The following SH3TC2 variants were observed in gnomAD, a reference collection of about 807,000 sequenced individuals.
SH3TC2 encodes SH3 domain and tetratricopeptide repeats 2.
Under a neutral mutation model 124.5 loss-of-function variants are expected in SH3TC2, and 87 were observed. That is an observed-to-expected ratio of 0.70 (90% CI 0.59 to 0.84). SH3TC2 has a LOEUF of 0.84. Among genes scored for constraint, SH3TC2 ranks in the 40% least tolerant of loss-of-function variants. The pLI, the probability that SH3TC2 is intolerant of heterozygous loss-of-function variation, is 0.00. For missense variants in SH3TC2, 1,536 were observed against 1,566.4 expected (o/e 0.98, Z 0.33); for synonymous variants, 634 against 628.5 (o/e 1.01, Z -0.13).
At chr5:149,038,255 G>A in intron 8 of SH3TC2, 40 bp downstream of exon 8, 1 of 1,597,796 alleles carries the variant, frequency 6.3e-7, no homozygotes, top group South Asian at 1.1e-5. Context: ...CCCTGGGAAA[G>A]GGAGCCCAGC....
intron 3 of SH3TC2, 87 bp downstream of exon 3, chr5:149,047,775 T>C (rs1754489193): frequency 4.5e-6 from 7 of 1,567,036 alleles, no homozygotes; most frequent in South Asian, 1.1e-5. Flanking sequence ...ACCTACTTTG[T>C]TCCAGATGCT....
intron 4 of SH3TC2, chr5:149,044,292 T>TA (rs1210849355): frequency 4.4e-6 from 2 of 456,632 alleles, no homozygotes; most frequent in East Asian, 8.7e-5. Context: ...GGTTATCTAA[T>TA]AAAAAAAGAT....
intron 1 of SH3TC2, chr5:149,057,641 C>T (rs891108754): frequency 6.6e-6 from 1 of 151,814 alleles, no homozygotes; most frequent in Non-Finnish European, 1.5e-5. Context: ...TTTTAGCATA[C>T]ATGCTGCCAA....
At chr5:149,024,379 A>G (rs1004308500) in intron 12 of SH3TC2, among the ~76,000 whole-genome samples, 2 of 152,172 alleles carry the variant, frequency 1.3e-5, no homozygotes, top group Non-Finnish European at 2.9e-5. Context: ...TTCTGAACAT[A>G]CTACAAAGTC....
rs187451262 is a variant in SH3TC2, at chr5:149,031,323, T to C, written c.1135+231A>G. Among the ~76,000 whole-genome samples, 164 of 152,178 alleles carry C rather than the reference T, an allele frequency of 1.1e-3. 2 individuals carry two copies. The highest frequency in any genetic ancestry group is 2.0e-3 in the Non-Finnish European group (139 of 68,016). ...TACAGCCAGTCACCCACGGTATAGG[T>C]GAGTTGGTTTCATCATGTCTCATAG... On this transcript the variant is annotated intron_variant, in intron 9 of 16. Transcript: ENST00000515425.
rs1281560280 is a variant in SH3TC2, at chr5:149,004,428, T to G, written c.*283A>C. On this transcript the variant is annotated 3_prime_UTR_variant, in exon 17 of 17. Coordinates refer to ENST00000515425, the MANE Select transcript of SH3TC2 (RefSeq NM_024577.4). ...ATCCCTCATCTTCTCCAGAATTATGTATGGAGAAAGTGCTTTTCAGAGGCT... is the reference window on the plus strand; with the variant it reads ...ATCCCTCATCTTCTCCAGAATTATGGATGGAGAAAGTGCTTTTCAGAGGCT... 4.5e-6 allele frequency: 2 copies of G among 439,974 alleles called. No homozygotes were observed. The highest frequency in any genetic ancestry group is 3.8e-5 in the Admixed American group (1 of 26,266). The allele number at this position is 439,974 out of a possible 1,614,324, so 27.3% of individuals were successfully genotyped here. A position where few individuals can be genotyped will look rare whatever the true frequency, so the allele number is the denominator to read the frequency against.
intron 8 of SH3TC2, among the ~76,000 whole-genome samples, chr5:149,037,737 C>T (rs1477663905): frequency 2.6e-5 from 4 of 152,202 alleles, no homozygotes; most frequent in Non-Finnish European, 5.9e-5. Flanking sequence ...GGCTGATCAC[C>T]TTCTCCTGAT....
At chr5:149,058,232 T>C (rs1754685686) in intron 1 of SH3TC2, among the ~76,000 whole-genome samples, 1 of 152,234 alleles carries the variant, frequency 6.6e-6, no homozygotes, top group South Asian at 2.1e-4. Flanking sequence ...TAACCCTCAA[T>C]TCAGAAAAAC....
At chr5:149,024,797 T>G (rs1304533475) in intron 12 of SH3TC2, among the ~76,000 whole-genome samples, 1 of 152,194 alleles carries the variant, frequency 6.6e-6, no homozygotes, top group African/African-American at 2.4e-5. Flanking sequence ...TCAGTGATTC[T>G]GCATCCTGTC....
intron 14 of SH3TC2, 62 bp from the exon 15 acceptor site, chr5:149,009,063 A>G (rs575570426): frequency 1.1e-5 from 17 of 1,606,728 alleles, no homozygotes; most frequent in Admixed American, 1.7e-5. Flanking sequence ...TACCATAGCT[A>G]GGAGACTTAT....
At position 149,000,905 on chromosome 5, in the gene SH3TC2, A is replaced by G. The variant is rs908321316; in HGVS notation, c.*3806T>C. 5.6e-4 allele frequency among the ~76,000 whole-genome samples: 86 copies of G among 152,360 alleles called. No individual in the cohort carries two copies. Among genetic ancestry groups the G allele is most frequent in the African/African-American group, 1.9e-3 (81 of 41,582 alleles). ...ATACTATTTCTCATCCTATTCATACAGTATAAAAATAGCACTGCTGAAAAA... is the reference window on the plus strand; with the variant it reads ...ATACTATTTCTCATCCTATTCATACGGTATAAAAATAGCACTGCTGAAAAA... On this transcript the variant is annotated 3_prime_UTR_variant, in exon 17 of 17. Transcript: ENST00000515425.
chr5:149,031,202 C>T (rs1043937600), intron 9 of SH3TC2, among the ~76,000 whole-genome samples: 8 of 152,112 alleles, frequency 5.3e-5, no homozygotes, highest in African/African-American at 1.4e-4. Context: ...ATTTACAGCC[C>T]CACCCATCTC....
rs753121220 is a variant in SH3TC2 at position 149,042,741 on chromosome 5, T to A, written c.482A>T (p.Asp161Val). ...GTATATTGTTTCCAGGTGTTTATCA[T>A]CTACAGACACTTGGATCTCTGTATC... ...VEDTEIQVSV[D>V]DKHLETIYLG... is the part of the protein sequence containing the mutation. Residue 161 changes from aspartate to valine, a missense_variant, in exon 5 of 17, where the codon GAT (aspartate) becomes GTT (valine). Transcript: ENST00000515425. 1 of 1,614,210 alleles carries A rather than the reference T, an allele frequency of 6.2e-7. No homozygotes were observed. The highest frequency in any genetic ancestry group is 8.5e-7 in the Non-Finnish European group (1 of 1,180,028).
At chr5:149,012,864 T>C (rs888103239) in intron 12 of SH3TC2, 130 bp from the exon 13 acceptor site, 7 of 1,026,716 alleles carry the variant, frequency 6.8e-6, no homozygotes, top group East Asian at 2.6e-5. Flanking sequence ...GTGGGCCTGA[T>C]TGAATGCCAG....
Position 149,028,265 on chromosome 5 carries a change from G to A in SH3TC2, c.1467C>T (p.Phe489=). 1 of 1,613,996 alleles carries A rather than the reference G, an allele frequency of 6.2e-7. No individual in the cohort carries two copies. Among genetic ancestry groups the A allele is most frequent in the East Asian group, 2.2e-5 (1 of 44,882 alleles). ...YADHFKSLYD[F]SFSFLTSSFY... Reference sequence around the variant, plus strand: ...AGGAAGAAGTGAGGAAAGAGAAGGAGAAGTCATAGAGACTCTTAAAGTGGT... The same window carrying A: ...AGGAAGAAGTGAGGAAAGAGAAGGAAAAGTCATAGAGACTCTTAAAGTGGT... Residue 489 remains phenylalanine (F), a synonymous_variant, in exon 11 of 17, where the codon TTC becomes TTT. Coordinates refer to ENST00000515425, the MANE Select transcript of SH3TC2 (RefSeq NM_024577.4).
rs1443652039 is a variant in SH3TC2, at chr5:148,989,134, T to G, written c.*15577A>C. Among the ~76,000 whole-genome samples the G allele has an allele frequency of 6.6e-6, 1 of 152,210 alleles. No homozygotes were observed. The highest frequency in any genetic ancestry group is 1.5e-5 in the Non-Finnish European group (1 of 68,044). On this transcript the variant is annotated 3_prime_UTR_variant, in exon 17 of 17. Transcript: ENST00000515425. ...TTTCTTTATATTTCCTTGAGTTCCT[T>G]TTGGAGTCATTGAATTCCCTTTTTG...
At chr5:149,041,109 T>C (rs990084892) in intron 6 of SH3TC2, among the ~76,000 whole-genome samples, 1 of 152,100 alleles carries the variant, frequency 6.6e-6, no homozygotes, top group Non-Finnish European at 1.5e-5. Flanking sequence ...CCCAAGAAAG[T>C]CTAAGGAGGC....
At chr5:149,025,710 C>T (rs1192289655) in intron 12 of SH3TC2, 1 of 152,198 alleles carries the variant, frequency 6.6e-6, no homozygotes, top group Admixed American at 6.5e-5. Flanking sequence ...AGAAAACCAA[C>T]AGAAGATGGC....
chr5:149,034,440 A>G, intron 8 of SH3TC2: 1 of 387,040 alleles, frequency 2.6e-6, no homozygotes, highest in Non-Finnish European at 5.1e-6. Context: ...GAGAGAGGCA[A>G]TATTCAAAGG....
Sources: allele counts gnomAD v4.1 joint callset (sites outside exome capture counted in the v4.1 genomes callset), GRCh38; gene constraint gnomAD v4.1.1; transcripts MANE v1.5; gene names NCBI Gene and HGNC (gene_info 2026-07-23, HGNC 2026-07-21).